ZGLP1: variants seen among roughly 807,000 people sequenced by gnomAD.
ZGLP1 encodes GATA-type zinc finger protein 1.
In ZGLP1, 11 loss-of-function variants were observed where a neutral mutation model predicts 21.4. That is an observed-to-expected ratio of 0.51 (90% confidence interval 0.32 to 0.85). The LOEUF (loss-of-function observed/expected upper bound fraction) is 0.85, where lower values mean the gene tolerates loss of function less well. ZGLP1 is among the 40% of genes least tolerant of loss of function. The pLI is 0.03. For synonymous variants in ZGLP1, 148 were observed against 145.0 expected, an observed-to-expected ratio of 1.02 and a Z score of -0.15; for missense variants, 295 against 355.6, an observed-to-expected ratio of 0.83 and a Z score of 1.37.
exon 1 of ZGLP1, chr19:10,308,643 C>T (rs768499281): frequency 6.6e-7 from 1 of 1,518,576 alleles, no homozygotes; most frequent in East Asian, 2.3e-5. Flanking sequence ...CTTTGTGTAC[C>T]CTTGGACAGG....
rs755518427 is a variant in ZGLP1, at chr19:10,305,246, A to C, written c.699-38T>G. ...GACAAGAAACTGCCATTTAGGATGCAGTGGGGGCCCGGAAACCGCCACAAG... is the reference window on the plus strand; with the variant it reads ...GACAAGAAACTGCCATTTAGGATGCCGTGGGGGCCCGGAAACCGCCACAAG... On this transcript the variant is annotated intron_variant, in intron 3 of 3. Coordinates refer to ENST00000403903, the Ensembl canonical transcript of ZGLP1. This position sits in a 1 kb window ranked among gnomAD's most constrained non-coding sequence, Gnocchi z 4.7. The C allele has an allele frequency of 2.5e-6, 4 of 1,598,520 alleles. No individual in the cohort carries two copies. The highest frequency in any genetic ancestry group is 3.4e-6 in the Non-Finnish European group (4 of 1,166,656).
rs2040272977 is a variant in ZGLP1 at position 10,305,277 on chromosome 19, C to T, written c.699-69G>A. 1.3e-6 allele frequency: 2 copies of T among 1,576,244 alleles called. No individual in the cohort carries two copies. The highest frequency in any genetic ancestry group is 1.7e-6 in the Non-Finnish European group (2 of 1,149,304). On this transcript the variant is annotated intron_variant, in intron 3 of 3. Transcript: ENST00000403903. The surrounding 1 kb of genome is among the most constrained non-coding windows in gnomAD (Gnocchi z 4.7). The stretch of plus-strand genomic sequence containing the variant: ...GGCCCGGAAACCGCCACAAGGAAAC[C>T]ACTTTTCCCAAGAGGTAGGTGTTTT...
intron 1 of ZGLP1, 86 bp from the exon 3 acceptor site, chr19:10,306,038 T>C (rs1046224944): frequency 4.1e-6 from 4 of 977,964 alleles, no homozygotes; most frequent in Non-Finnish European, 4.5e-6. Context: ...AGTATCAAGG[T>C]ATCAGCCATC....
chr19:10,305,986 G>A lies in ZGLP1; in HGVS notation c.498-34C>T, dbSNP rs942054035. 15 of 1,453,848 alleles carry A rather than the reference G, an allele frequency of 1.0e-5. No homozygotes were observed. The East Asian group carries it at 3.0e-4, about 29-fold the overall frequency. The allele number at this position is 1,453,848 out of a possible 1,614,324, so 90.1% of individuals were successfully genotyped here. A position where few individuals can be genotyped will look rare whatever the true frequency, so the allele number is the denominator to read the frequency against. ...CAGACAAGGTATTAGCACTGGGGGGGATCTGTAGCTTGTCCCCAACAGCCC... is the reference window on the plus strand; with the variant it reads ...CAGACAAGGTATTAGCACTGGGGGGAATCTGTAGCTTGTCCCCAACAGCCC... On this transcript the variant is annotated intron_variant, in intron 1 of 3. Coordinates refer to ENST00000403903, the Ensembl canonical transcript of ZGLP1. The surrounding 1 kb of genome is among the most constrained non-coding windows in gnomAD (Gnocchi z 4.7).
chr19:10,305,460 G>T lies in ZGLP1; in HGVS notation c.628C>A (p.Arg210=). ...CTCCAGAGCGGGGTCCTCTGGGTCC[G>T]ACAGGAAGCACAGCGCCGGGGCTCT... Residue 210 remains arginine, a synonymous_variant, in exon 3 of 4, where the codon CGG becomes AGG. Coordinates refer to ENST00000403903, the Ensembl canonical transcript of ZGLP1. The surrounding 1 kb of genome is among the most constrained non-coding windows in gnomAD (Gnocchi z 4.7). The T allele has an allele frequency of 6.3e-7, 1 of 1,599,150 alleles. No homozygotes were observed. Among genetic ancestry groups the T allele is most frequent in the Non-Finnish European group, 8.5e-7 (1 of 1,173,040 alleles).
rs1421772348 is a variant in ZGLP1 at position 10,305,024 on chromosome 19, G to T, written c.*67C>A. On this transcript the variant is annotated 3_prime_UTR_variant, in exon 4 of 4. Coordinates refer to ENST00000403903, the Ensembl canonical transcript of ZGLP1. The surrounding 1 kb of genome is among the most constrained non-coding windows in gnomAD (Gnocchi z 4.7). ...TTTCCCCAATCCTCCTAGGAGAGCT[G>T]CTTCTGCCCATTCTCCCACTGGTGA... is the stretch of plus-strand genomic sequence containing the variant. 3.2e-6 allele frequency: 4 copies of T among 1,254,008 alleles called. No individual in the cohort carries two copies. In the African/African-American group the frequency reaches 5.9e-5, roughly 18 times the overall value. 77.7% of individuals were successfully genotyped at this position (1,254,008 alleles called of 1,614,324 possible). A position where few individuals can be genotyped will look rare whatever the true frequency, so the allele number is the denominator to read the frequency against.
At chr19:10,308,358 T>C (rs748650459) in exon 1 of ZGLP1, 1 of 1,608,140 alleles carries the variant, frequency 6.2e-7, no homozygotes, top group South Asian at 1.1e-5. Context: ...GGCGGCCCTT[T>C]TGGCTGATCC....
rs1028635227 is a variant in ZGLP1, at chr19:10,305,857, C to A, written c.593G>T (p.Ser198Ile). The A allele has an allele frequency of 1.9e-6, 3 of 1,555,142 alleles. No individual in the cohort carries two copies. Among genetic ancestry groups the A allele is most frequent in the Non-Finnish European group, 2.6e-6 (3 of 1,148,446 alleles). Residue 198 changes from serine (S) to isoleucine (I), a missense_variant, in exon 2 of 4, where the codon AGC becomes ATC. Ser to Ile is a moderately radical substitution (Grantham distance 142, BLOSUM62 -2). This residue lies in a region of ZGLP1 where 252 missense variants were observed against 264.0 expected (regional missense o/e 0.95). Coordinates refer to ENST00000403903, the Ensembl canonical transcript of ZGLP1. The surrounding 1 kb of genome is among the most constrained non-coding windows in gnomAD (Gnocchi z 4.7). ...TTTTCAGGACTCACCCAGGGCCTCG[C>A]TGCCTGCTGAGTGGGCCTCGGTGCC...
At chr19:10,309,565 G>C (rs1452708722) in exon 1 of ZGLP1, 1 of 152,712 alleles carries the variant, frequency 6.5e-6, no homozygotes, top group East Asian at 1.9e-4. Context: ...ACCTGGGAGG[G>C]GCGGGACCTG....
rs770937836 is a variant in ZGLP1, at chr19:10,308,496, C to T, written c.186G>A (p.Glu62=). 1.6e-5 allele frequency: 26 copies of T among 1,611,112 alleles called. No homozygotes were observed. The South Asian group carries it at 2.6e-4, about 16-fold the overall frequency. Residue 62 remains glutamate (E), a synonymous_variant, in exon 1 of 4, where the codon GAG becomes GAA. Transcript: ENST00000403903. ...GGGACTGACCCAGCCTCTCCACTGT[C>T]TCTTGGAGGAAGCACAGGGCGGTGA...
At chr19:10,308,626 G>A (rs2040293885) in exon 1 of ZGLP1, 1 of 1,531,104 alleles carries the variant, frequency 6.5e-7, no homozygotes, top group Non-Finnish European at 8.8e-7. Context: ...TCCAACTTGG[G>A]CCGGCTCTTT....
chr19:10,304,837 G>C (rs1228255200), exon 4 of ZGLP1: 6 of 543,384 alleles, frequency 1.1e-5, no homozygotes, highest in East Asian at 6.2e-5. Context: ...TGTCCCTGCT[G>C]TAACAATGCT....
At chr19:10,308,675 C>T (rs2040294467) in exon 1 of ZGLP1, 2 of 1,493,902 alleles carry the variant, frequency 1.3e-6, no homozygotes, top group Non-Finnish European at 1.8e-6. Flanking sequence ...ACCTGAGGTT[C>T]AGTCATTTCT....
chr19:10,308,849 C>T, exon 1 of ZGLP1: 1 of 496,736 alleles, frequency 2.0e-6, no homozygotes. Context: ...TATCAAGCCT[C>T]TGGCTGCAGG....
chr19:10,305,573 T>C lies in ZGLP1; in HGVS notation c.605-90A>G. ...CGGAGTCGGGCATTTTGTGGGGGTC[T>C]CAGTAAAGGCCCCACCTAGCTCTGG... is the stretch of plus-strand genomic sequence containing the variant. On this transcript the variant is annotated intron_variant, in intron 2 of 3. Coordinates refer to ENST00000403903, the Ensembl canonical transcript of ZGLP1. This position sits in a 1 kb window ranked among gnomAD's most constrained non-coding sequence, Gnocchi z 4.7. 8.7e-7 allele frequency: 1 copy of C among 1,150,364 alleles called. No individual in the cohort carries two copies. Among genetic ancestry groups the C allele is most frequent in the Non-Finnish European group, 1.3e-6 (1 of 788,342 alleles). The allele number at this position is 1,150,364 out of a possible 1,614,324, so 71.3% of individuals were successfully genotyped here. A position where few individuals can be genotyped will look rare whatever the true frequency, so the allele number is the denominator to read the frequency against.
chr19:10,307,705 G>A (rs535928743), intron 1 of ZGLP1, among the ~76,000 whole-genome samples: 1 of 152,046 alleles, frequency 6.6e-6, no homozygotes, highest in Admixed American at 6.6e-5. Flanking sequence ...TAGTAGACAT[G>A]GGGTTTCACT....
intron 1 of ZGLP1, among the ~76,000 whole-genome samples, chr19:10,307,167 A>T (rs1022233775): frequency 2.6e-5 from 4 of 151,710 alleles, no homozygotes; most frequent in East Asian, 3.9e-4. Flanking sequence ...TGGCGGCATG[A>T]TTAAAAAAGT....
exon 1 of ZGLP1, chr19:10,308,321 C>A (rs751815597): frequency 8.1e-6 from 13 of 1,611,010 alleles, no homozygotes; most frequent in Non-Finnish European, 1.1e-5. Flanking sequence ...TGGGGTGGGG[C>A]CGAGGGAGTC....
exon 1 of ZGLP1, chr19:10,309,473 G>C (rs2040300694): frequency 6.6e-6 from 1 of 152,620 alleles, no homozygotes; most frequent in Non-Finnish European, 1.5e-5. Context: ...TCCGGGATTG[G>C]CTCGGCCTCC....
Sources: allele counts gnomAD v4.1 joint callset (sites outside exome capture counted in the v4.1 genomes callset), GRCh38; gene constraint gnomAD v4.1.1; regional missense constraint gnomAD v4.1.1; non-coding constraint Gnocchi (gnomAD v3.1); transcripts MANE v1.5; gene names NCBI Gene and HGNC (gene_info 2026-07-23, HGNC 2026-07-21).